The following CHRNB4 variants were observed in gnomAD, a reference collection of about 807,000 sequenced individuals.
CHRNB4 encodes the protein cholinergic receptor nicotinic beta 4 subunit.
CHRNB4 carries 23 observed loss-of-function variants against 40.4 expected under a neutral mutation model. The observed-to-expected ratio is 0.57, with a 90% CI of 0.41 to 0.81. The LOEUF is 0.81. Among genes scored for constraint, CHRNB4 ranks in the 30% least tolerant of loss-of-function variants. The probability of loss-of-function intolerance (pLI) is 0.00; values close to 1 mark genes in which losing one functional copy is unlikely to be tolerated. For synonymous variants in CHRNB4, 285 were observed against 274.4 expected (o/e 1.04, Z -0.38); for missense variants, 568 against 670.6 (o/e 0.85, Z 1.69).
chr15:78,646,220 C>G (rs1196868895), upstream of CHRNB4, among the ~76,000 whole-genome samples: 2 of 152,128 alleles, frequency 1.3e-5, no homozygotes, highest in African/African-American at 2.4e-5. Flanking sequence ...AGATCCATGA[C>G]ACACGGAAAC....
upstream of CHRNB4, among the ~76,000 whole-genome samples, chr15:78,643,198 G>C (rs2054096560): frequency 1.3e-5 from 2 of 151,896 alleles, no homozygotes; most frequent in African/African-American, 4.8e-5. Flanking sequence ...GATGAATTAG[G>C]TTTCATTACA....
At chr15:78,642,476 A>C (rs2054088954), upstream of CHRNB4, among the ~76,000 whole-genome samples, 1 of 152,216 alleles carries the variant, frequency 6.6e-6, no homozygotes, top group Non-Finnish European at 1.5e-5. Context: ...CTTTGGGATA[A>C]GCGGGGACCA....
chr15:78,633,585 T>G (rs2053880894), intron 2 of CHRNB4, among the ~76,000 whole-genome samples: 1 of 152,222 alleles, frequency 6.6e-6, no homozygotes. Flanking sequence ...GTTACTGATA[T>G]ATTTGGGCTC....
At chr15:78,657,735 G>A (rs892976312) in intron 2 of CHRNB4, among the ~76,000 whole-genome samples, 6 of 151,938 alleles carry the variant, frequency 3.9e-5, no homozygotes, top group African/African-American at 1.5e-4. Context: ...TGTATTTTTA[G>A]TAGAGACAGG....
intron 2 of CHRNB4, among the ~76,000 whole-genome samples, chr15:78,657,983 G>C (rs550726205): frequency 6.6e-6 from 1 of 151,338 alleles, no homozygotes; most frequent in Admixed American, 6.6e-5. Flanking sequence ...TTGATTCTGG[G>C]GACACATATA....
At chr15:78,628,932 T>TTGGGCAGG in intron 5 of CHRNB4, 35 bp downstream of exon 5, 1 of 1,579,952 alleles carries the variant, frequency 6.3e-7, no homozygotes, top group Non-Finnish European at 8.6e-7. Flanking sequence ...GCCCTTTCTG[T>TTGGGCAGG]TGGGCAGGTG....
rs71448810 is a variant in CHRNB4, at chr15:78,658,028, C to CTTTT, written c.-761+248_-761+251dup. Among the ~76,000 whole-genome samples the CTTTT allele has an allele frequency of 8.9e-3, 801 of 90,482 alleles. 7 individuals are homozygous for CTTTT. The highest frequency in any genetic ancestry group is 0.017 in the Middle Eastern group (2 of 116). 59.4% of individuals were successfully genotyped at this position (90,482 alleles called of 152,430 possible). On this transcript the variant is annotated intron_variant and NMD_transcript_variant, in intron 2 of 11. Coordinates refer to the CHRNB4 transcript ENST00000559849. ...CTCACAATGACTGTCTCTTGTTTCT[C>CTTTT]TTTTTTTTTTTTTTTTTTTTTTGAG...
At chr15:78,661,357 G>A (rs2054251607), upstream of CHRNB4, 5 of 552,866 alleles carry the variant, frequency 9.0e-6, no homozygotes, top group South Asian at 7.8e-5. Flanking sequence ...CATCCATTAT[G>A]GTCCCCAAGA....
chr15:78,634,596 A>AGTCT, intron 2 of CHRNB4: 11 of 413,520 alleles, frequency 2.7e-5, no homozygotes, highest in South Asian at 1.9e-4. Flanking sequence ...CTAGAGAGAG[A>AGTCT]GTCTGGCATT....
chr15:78,631,039 T>C (rs1418609247), intron 4 of CHRNB4, 37 bp downstream of exon 4: 2 of 1,548,226 alleles, frequency 1.3e-6, no homozygotes, highest in South Asian at 1.1e-5. Context: ...TGCCCTGGCC[T>C]GGCTGTCACC....
At chr15:78,654,602 G>A (rs1050670766) in intron 5 of CHRNB4, among the ~76,000 whole-genome samples, 4 of 152,176 alleles carry the variant, frequency 2.6e-5, no homozygotes, top group Non-Finnish European at 5.9e-5. Flanking sequence ...CCGTGTACGT[G>A]CTGTGAAAAA....
chr15:78,629,591 G>A lies in CHRNB4; in HGVS notation c.714C>T (p.Asn238=), dbSNP rs754580165. ...TGGTGAGCACGCAGGGGATGATGAG[G>A]TTGATGGTGTAGAACAGAGGCTTGC... The part of the protein sequence containing the change: ...IKRKPLFYTI[N]LIIPCVLTTL... The change falls in exon 5 of 6, where the codon AAC becomes AAT. Residue 238 remains asparagine, a synonymous_variant. Transcript: ENST00000261751. This position sits in a 1 kb window ranked among gnomAD's most constrained non-coding sequence, Gnocchi z 6.8. The A allele has an allele frequency of 3.7e-6, 6 of 1,614,018 alleles. No individual in the cohort carries two copies. The highest frequency in any genetic ancestry group is 3.3e-5 in the Admixed American group (2 of 59,994).
At chr15:78,642,230 A>T (rs2054085741), upstream of CHRNB4, among the ~76,000 whole-genome samples, 2 of 152,240 alleles carry the variant, frequency 1.3e-5, no homozygotes, top group African/African-American at 4.8e-5. Flanking sequence ...AACACTGTTG[A>T]AGTGAAGCGG....
upstream of CHRNB4, among the ~76,000 whole-genome samples, chr15:78,643,705 T>C (rs1388207566): frequency 2.6e-5 from 4 of 152,084 alleles, no homozygotes; most frequent in Admixed American, 1.3e-4. Context: ...GCAGGTATGA[T>C]TGTCTATGCA....
At chr15:78,661,173 G>A (rs563351353), upstream of CHRNB4, 17 of 619,828 alleles carry the variant, frequency 2.7e-5, no homozygotes, top group South Asian at 2.2e-4. Context: ...ACACCTCTTG[G>A]CCCTTGAGAG....
At chr15:78,637,246 T>G (rs998881527) in intron 1 of CHRNB4, among the ~76,000 whole-genome samples, 5 of 152,188 alleles carry the variant, frequency 3.3e-5, no homozygotes, top group African/African-American at 1.2e-4. Context: ...CATTTGGGTC[T>G]TTATGTCATC....
Position 78,624,938 on chromosome 15 carries a change from G to A in CHRNB4, c.*195C>T. The A allele has an allele frequency of 6.7e-7, 1 of 1,489,786 alleles. No homozygotes were observed. The highest frequency in any genetic ancestry group is 2.3e-5 in the Admixed American group (1 of 44,010). The allele number at this position is 1,489,786 out of a possible 1,614,324, so 92.3% of individuals were successfully genotyped here. ...AGCTCCCTCCTACTGGGGCTTCCTG[G>A]GATCCCTCCAAGGCATTCAGAGAGG... is the stretch of plus-strand genomic sequence containing the variant. On this transcript the variant is annotated 3_prime_UTR_variant, in exon 6 of 6. Coordinates refer to ENST00000261751, the MANE Select transcript of CHRNB4 (RefSeq NM_000750.5).
At chr15:78,655,347 C>G (rs967321322) in intron 5 of CHRNB4, among the ~76,000 whole-genome samples, 2 of 151,222 alleles carry the variant, frequency 1.3e-5, no homozygotes, top group African/African-American at 2.4e-5. Flanking sequence ...ATCCTAGCAG[C>G]TGGGACTACA....
chr15:78,635,484 G>C lies in CHRNB4; in HGVS notation c.159C>G (p.Leu53=). ...GGGAGAGCTGCAGCTTGATGGAGAT[G>C]AGCTGTGAGGAGCTGGTGGCTGGGC... is the stretch of plus-strand genomic sequence containing the variant. The part of the protein sequence containing the change: ...LIRPATSSSQ[L]ISIKLQLSLA... Residue 53 remains leucine (L), a synonymous_variant, in exon 2 of 6, where the codon CTC becomes CTG. Coordinates refer to ENST00000261751, the MANE Select transcript of CHRNB4 (RefSeq NM_000750.5). 6.2e-7 allele frequency: 1 copy of C among 1,614,184 alleles called. No individual in the cohort carries two copies. The highest frequency in any genetic ancestry group is 8.5e-7 in the Non-Finnish European group (1 of 1,180,026).
Sources: gnomAD v4.1 joint callset for allele counts (sites outside exome capture counted in the v4.1 genomes callset) on GRCh38, gnomAD v4.1.1 for gene constraint, Gnocchi (gnomAD v3.1) non-coding constraint, MANE v1.5 for transcripts, NCBI Gene and HGNC (gene_info 2026-07-23, HGNC 2026-07-21) for gene names.